The following ZNF148 variants were observed in gnomAD, a reference collection of about 807,000 sequenced individuals.
The protein encoded by ZNF148 is zinc finger protein 148, also known as Beta-Enolase Repressor Factor-1.
ZNF148 carries 7 observed loss-of-function variants against 67.7 expected under a neutral mutation model. The observed-to-expected ratio is 0.10, with a 90% CI of 0.06 to 0.19. The LOEUF is 0.19. ZNF148 is among the 10% of genes least tolerant of loss of function. The probability of loss-of-function intolerance (pLI) is 1.00; values close to 1 mark genes in which losing one functional copy is unlikely to be tolerated. For missense variants in ZNF148, 583 were observed against 947.1 expected (o/e 0.62, Z 5.05); for synonymous variants, 333 against 330.7 (o/e 1.01, Z -0.08).
Position 125,230,387 on chromosome 3 carries a change from G to C in ZNF148, c.*1954C>G, listed in dbSNP as rs193026893. On this transcript the variant is annotated 3_prime_UTR_variant, in exon 9 of 9. Coordinates refer to ENST00000360647, the MANE Select transcript of ZNF148 (RefSeq NM_021964.3). Reference sequence around the variant, plus strand: ...ACAATCTTAAGAGTCAATAATGGCAGAACTTAAATATTTACTTCAAAGAAG... The same window carrying C: ...ACAATCTTAAGAGTCAATAATGGCACAACTTAAATATTTACTTCAAAGAAG... The C allele has an allele frequency of 6.6e-6, 1 of 152,632 alleles. No homozygotes were observed. Among genetic ancestry groups the C allele is most frequent in the East Asian group, 1.9e-4 (1 of 5,190 alleles). 9.5% of individuals were successfully genotyped at this position (152,632 alleles called of 1,614,324 possible). A position where few individuals can be genotyped will look rare whatever the true frequency, so the allele number is the denominator to read the frequency against.
chr3:125,239,375 G>A (rs1045991908), intron 7 of ZNF148, among the ~76,000 whole-genome samples: 6 of 152,214 alleles, frequency 3.9e-5, no homozygotes, highest in Admixed American at 2.6e-4. Context: ...ATCTGAATGC[G>A]CATTTCTCCA....
rs1282740944 is a variant in ZNF148 at position 125,232,630 on chromosome 3, G to A, written c.2096C>T (p.Ala699Val). ...FSGDETNHAS[A>V]TSTQDFLDQV... Reference sequence around the variant, plus strand: ...ATCCAGAAAGTCCTGTGTTGATGTGGCAGAAGCATGGTTTGTCTCATCACC... The same window carrying A: ...ATCCAGAAAGTCCTGTGTTGATGTGACAGAAGCATGGTTTGTCTCATCACC... Residue 699 changes from alanine to valine, a missense_variant, in exon 9 of 9, where the codon GCC (alanine) becomes GTC (valine). Physicochemically the swap from Ala to Val is moderately conservative, Grantham distance 64. Coordinates refer to ENST00000360647, the MANE Select transcript of ZNF148 (RefSeq NM_021964.3). This position sits in a 1 kb window ranked among gnomAD's most constrained non-coding sequence, Gnocchi z 4.2. 1.2e-6 allele frequency: 2 copies of A among 1,613,792 alleles called. No homozygotes were observed. Among genetic ancestry groups the A allele is most frequent in the East Asian group, 4.5e-5 (2 of 44,876 alleles).
At chr3:125,270,087 A>G (rs890664702) in intron 7 of ZNF148, among the ~76,000 whole-genome samples, 5 of 152,324 alleles carry the variant, frequency 3.3e-5, no homozygotes, top group East Asian at 1.9e-4. Context: ...AGAAACTTGC[A>G]TATGTACCCC....
intron 4 of ZNF148, among the ~76,000 whole-genome samples, chr3:125,299,118 T>C (rs138986482): frequency 9.8e-5 from 15 of 152,368 alleles, no homozygotes; most frequent in African/African-American, 3.6e-4. Context: ...CTTGTTTTAA[T>C]ATTTACAATG....
intron 7 of ZNF148, among the ~76,000 whole-genome samples, chr3:125,241,120 TA>T (rs1249444522): frequency 6.6e-6 from 1 of 152,090 alleles, no homozygotes; most frequent in African/African-American, 2.4e-5. Flanking sequence ...TAGATATTTT[TA>T]AAATTTAAGT....
intron 4 of ZNF148, among the ~76,000 whole-genome samples, chr3:125,302,064 C>CAAAAA: frequency 6.6e-6 from 1 of 150,914 alleles, no homozygotes; most frequent in African/African-American, 2.4e-5. Flanking sequence ...GACTCCATCT[C>CAAAAA]AAAAAAATAA....
chr3:125,249,973 C>A (rs543831358), intron 7 of ZNF148, among the ~76,000 whole-genome samples: 2 of 151,786 alleles, frequency 1.3e-5, no homozygotes, highest in South Asian at 4.2e-4. Context: ...TCTAAAGAGG[C>A]AGAATTAAAA....
intron 1 of ZNF148, among the ~76,000 whole-genome samples, chr3:125,340,859 G>A (rs1941687046): frequency 6.6e-6 from 1 of 150,382 alleles, no homozygotes. Flanking sequence ...GTAGTGGCGG[G>A]CGCCTGTAGT....
intron 4 of ZNF148, among the ~76,000 whole-genome samples, chr3:125,296,979 T>C (rs745390820): frequency 1.1e-4 from 17 of 151,912 alleles, no homozygotes; most frequent in Admixed American, 2.0e-4. Flanking sequence ...AAAGAAACAT[T>C]AAAATGTTAG....
intron 7 of ZNF148, among the ~76,000 whole-genome samples, chr3:125,252,312 G>A (rs1347437751): frequency 6.7e-6 from 1 of 149,348 alleles, no homozygotes; most frequent in East Asian, 1.9e-4. Context: ...CCCATTCCAA[G>A]TTGTGACATT....
chr3:125,357,851 ATC>A (rs907147339), intron 1 of ZNF148: 8 of 152,306 alleles, frequency 5.3e-5, no homozygotes, highest in African/African-American at 7.2e-5. Flanking sequence ...ACAGTAAGAA[ATC>A]TCTTTCAGTA....
intron 3 of ZNF148, among the ~76,000 whole-genome samples, chr3:125,318,800 G>C (rs1321480881): frequency 1.3e-5 from 2 of 152,192 alleles, no homozygotes; most frequent in African/African-American, 2.4e-5. Context: ...GCAGGAAAGA[G>C]AAAGGAAGGA....
At chr3:125,242,448 T>C (rs1388376454) in intron 7 of ZNF148, among the ~76,000 whole-genome samples, 3 of 151,860 alleles carry the variant, frequency 2.0e-5, no homozygotes, top group Non-Finnish European at 4.4e-5. Context: ...TGACAAAATT[T>C]CCCGTCTCTA....
chr3:125,230,357 C>G lies in ZNF148; in HGVS notation c.*1984G>C, dbSNP rs1935801681. ...TGTAATTATGTAATGCACAACACAA[C>G]ACACACAATCTTAAGAGTCAATAAT... On this transcript the variant is annotated 3_prime_UTR_variant, in exon 9 of 9. Coordinates refer to ENST00000360647, the MANE Select transcript of ZNF148 (RefSeq NM_021964.3). The G allele has an allele frequency of 6.6e-6, 1 of 152,570 alleles. No individual in the cohort carries two copies. Among genetic ancestry groups the G allele is most frequent in the Admixed American group, 6.6e-5 (1 of 15,264 alleles). The allele number at this position is 152,570 out of a possible 1,614,324, so 9.5% of individuals were successfully genotyped here.
intron 1 of ZNF148, among the ~76,000 whole-genome samples, chr3:125,339,203 C>T (rs1051201825): frequency 3.9e-5 from 6 of 152,216 alleles, no homozygotes; most frequent in Admixed American, 3.3e-4. Context: ...TATTAATGTA[C>T]GGTGAACATG....
intron 4 of ZNF148, among the ~76,000 whole-genome samples, chr3:125,291,742 G>A (rs1420197312): frequency 6.6e-6 from 1 of 152,024 alleles, no homozygotes; most frequent in African/African-American, 2.4e-5. Context: ...CATTTTAAAA[G>A]AATAATCTGT....
At chr3:125,243,980 A>C (rs1936479673) in intron 7 of ZNF148, among the ~76,000 whole-genome samples, 1 of 152,250 alleles carries the variant, frequency 6.6e-6, no homozygotes, top group South Asian at 2.1e-4. Context: ...AAGGAAGATA[A>C]ATCTATACAG....
At chr3:125,258,959 A>G (rs1246337315) in intron 7 of ZNF148, among the ~76,000 whole-genome samples, 2 of 152,158 alleles carry the variant, frequency 1.3e-5, no homozygotes, top group Admixed American at 6.5e-5. Context: ...TAAACTCATT[A>G]CCCTTTTACT....
chr3:125,349,401 CT>C (rs1461201867), intron 1 of ZNF148, among the ~76,000 whole-genome samples: 6 of 152,094 alleles, frequency 3.9e-5, no homozygotes, highest in Non-Finnish European at 8.8e-5. Context: ...AAATAGCCTG[CT>C]TTTCAAATGG....
Sources: gnomAD v4.1 joint callset for allele counts (sites outside exome capture counted in the v4.1 genomes callset) on GRCh38, gnomAD v4.1.1 for gene constraint, Gnocchi (gnomAD v3.1) non-coding constraint, MANE v1.5 for transcripts, NCBI Gene and HGNC (gene_info 2026-07-23, HGNC 2026-07-21) for gene names.